Variants in FARP1 observed in about 807,000 individuals in gnomAD.
FARP1 encodes FERM, ARH/RhoGEF and pleckstrin domain protein 1, also known as FERM, ARHGEF and pleckstrin domain-containing protein 1.
FARP1 carries 52 observed loss-of-function variants against 128.8 expected under a neutral mutation model. That is an observed-to-expected ratio of 0.40 (90% confidence interval 0.32 to 0.51). The LOEUF (loss-of-function observed/expected upper bound fraction) is 0.51. Ranked by LOEUF, FARP1 falls within the 20% of genes least tolerant of loss-of-function variation. The pLI is 0.45. For missense variants in FARP1, 1,333 were observed against 1,367.9 expected (o/e 0.97, Z 0.40); for synonymous variants, 580 against 551.8 (o/e 1.05, Z -0.72).
intron 2 of FARP1, chr13:98,329,210 T>A (rs1887375956): frequency 6.6e-6 from 1 of 152,274 alleles, no homozygotes; most frequent in African/African-American, 2.4e-5. Context: ...TTGTGCATTG[T>A]TGTAGAAGTT....
At chr13:98,404,824 A>G (rs1343256061) in intron 13 of FARP1, 1 of 152,210 alleles carries the variant, frequency 6.6e-6, no homozygotes, top group African/African-American at 2.4e-5. Flanking sequence ...TTGAGAATGC[A>G]ATCAGTAGTC....
At chr13:98,290,591 A>G (rs1314129398) in intron 2 of FARP1, among the ~76,000 whole-genome samples, 6 of 152,124 alleles carry the variant, frequency 3.9e-5, no homozygotes, top group African/African-American at 1.4e-4. Context: ...GGAACAGTTC[A>G]GAGTTTATTC....
At chr13:98,249,905 C>A (rs1273829554) in intron 2 of FARP1, among the ~76,000 whole-genome samples, 1 of 152,202 alleles carries the variant, frequency 6.6e-6, no homozygotes, top group East Asian at 1.9e-4. Flanking sequence ...TGTTTGACAG[C>A]TCCTTCCCCA....
Position 98,300,879 on chromosome 13 carries a change from A to G in FARP1, c.172-42883A>G, listed in dbSNP as rs532970439. ...ACTTGGGGGCTCCATGGCCTTGGAG[A>G]GTTACCCTTTAAGGGACTCCATTAA... On this transcript the variant is annotated intron_variant, in intron 2 of 26. Transcript: ENST00000319562. Among the ~76,000 whole-genome samples the G allele has an allele frequency of 3.3e-5, 5 of 152,138 alleles. No individual in the cohort carries two copies. In the South Asian group the frequency reaches 8.3e-4, roughly 25 times the overall value.
At chr13:98,195,489 T>C (rs1233474353) in intron 1 of FARP1, among the ~76,000 whole-genome samples, 3 of 152,024 alleles carry the variant, frequency 2.0e-5, no homozygotes, top group Admixed American at 2.0e-4. Context: ...GGGCAGTGAG[T>C]TTGCATGTGC....
chr13:98,177,306 G>C, intron 1 of FARP1: 1 of 1,288,542 alleles, frequency 7.8e-7, no homozygotes, highest in Non-Finnish European at 1.1e-6. Context: ...CGCTGCACGT[G>C]GGGCGTGGGC....
rs369726236 is a variant in FARP1 at position 98,430,523 on chromosome 13, G to T, written c.1906-520G>T. Among the ~76,000 whole-genome samples, 28 of 152,296 alleles carry T rather than the reference G, an allele frequency of 1.8e-4. No homozygotes were observed. The East Asian group carries it at 2.5e-3, about 14-fold the overall frequency. On this transcript the variant is annotated intron_variant, in intron 17 of 26. Transcript: ENST00000319562. ...ACCATGACTCCAGGAGAGTCAGGGC[G>T]CTGTCTGACTCTCATCCATCTCCCC...
chr13:98,424,638 T>A lies in FARP1; in HGVS notation c.1893T>A (p.Ile631=). 6.2e-7 allele frequency: 1 copy of A among 1,612,422 alleles called. No individual in the cohort carries two copies. Among genetic ancestry groups the A allele is most frequent in the Non-Finnish European group, 8.5e-7 (1 of 1,178,434 alleles). ...TCGGCGATGTCATGCTGAAGAACATTCAGGGCATGAAGGTGAGCTGGTTGA... is the reference window on the plus strand; with the variant it reads ...TCGGCGATGTCATGCTGAAGAACATACAGGGCATGAAGGTGAGCTGGTTGA... ...QRIGDVMLKN[I]QGMKHLAAHL... Residue 631 remains isoleucine (I), a synonymous_variant, in exon 17 of 27, where the codon ATT becomes ATA. Coordinates refer to ENST00000319562, the MANE Select transcript of FARP1 (RefSeq NM_005766.4).
intron 2 of FARP1, among the ~76,000 whole-genome samples, chr13:98,301,260 T>C (rs1252384905): frequency 6.6e-6 from 1 of 152,206 alleles, no homozygotes; most frequent in African/African-American, 2.4e-5. Context: ...CTTTTTTCTT[T>C]CTCTCTGTTG....
intron 17 of FARP1, 48 bp from the exon 18 acceptor site, chr13:98,430,995 G>A (rs548516255): frequency 8.1e-7 from 1 of 1,228,114 alleles, no homozygotes; most frequent in East Asian, 2.3e-5. Context: ...GAACACAGGT[G>A]CATCCCATTC....
At chr13:98,213,170 G>A in intron 1 of FARP1, 50 bp from the exon 2 acceptor site, 1 of 1,486,556 alleles carries the variant, frequency 6.7e-7, no homozygotes, top group Non-Finnish European at 9.1e-7. Context: ...CACAGCTTGG[G>A]TGGTAGTCTC....
chr13:98,419,481 A>ACAC (rs1555294275), intron 16 of FARP1, among the ~76,000 whole-genome samples: 2 of 64,856 alleles, frequency 3.1e-5, no homozygotes, highest in Non-Finnish European at 2.9e-5. Flanking sequence ...TCCAAAAAAA[A>ACAC]ATACACACAC....
chr13:98,303,332 A>T (rs570102192), intron 2 of FARP1, among the ~76,000 whole-genome samples: 1 of 152,362 alleles, frequency 6.6e-6, no homozygotes, highest in South Asian at 2.1e-4. Flanking sequence ...GCACAGTCCT[A>T]GAAATGTACT....
intron 2 of FARP1, 66 bp downstream of exon 2, chr13:98,213,479 C>A: frequency 6.6e-7 from 1 of 1,511,288 alleles, no homozygotes; most frequent in Non-Finnish European, 9.0e-7. Context: ...TGAGGAGGTT[C>A]GGCTCATTCC....
chr13:98,373,533 GAC>G (rs58658962), intron 5 of FARP1, among the ~76,000 whole-genome samples: 24,668 of 130,732 alleles, frequency 0.19, 2,267 homozygotes, highest in East Asian at 0.32. Flanking sequence ...CAGACAGACA[GAC>G]ACACACACAC....
At chr13:98,164,897 C>T (rs764252867) in intron 1 of FARP1, among the ~76,000 whole-genome samples, 13 of 151,524 alleles carry the variant, frequency 8.6e-5, no homozygotes, top group Non-Finnish European at 7.4e-5. Flanking sequence ...CTGGCCAACA[C>T]GGTGAAATCC....
At chr13:98,243,193 G>T (rs1464322301) in intron 2 of FARP1, among the ~76,000 whole-genome samples, 1 of 152,088 alleles carries the variant, frequency 6.6e-6, no homozygotes. Context: ...AATAATATTG[G>T]GAAGATGTTG....
At chr13:98,282,134 G>C (rs1458147568) in intron 2 of FARP1, among the ~76,000 whole-genome samples, 5 of 152,022 alleles carry the variant, frequency 3.3e-5, no homozygotes, top group Non-Finnish European at 7.4e-5. Context: ...GTGAAACCCT[G>C]TCTCTAAAAA....
chr13:98,434,352 C>T (rs1470422213), intron 18 of FARP1: 3 of 152,136 alleles, frequency 2.0e-5, no homozygotes, highest in African/African-American at 7.2e-5. Flanking sequence ...TCGAGCAAGG[C>T]CTGGGATTTG....
Sources: allele counts gnomAD v4.1 joint callset (sites outside exome capture counted in the v4.1 genomes callset), GRCh38; gene constraint gnomAD v4.1.1; transcripts MANE v1.5; gene names NCBI Gene and HGNC (gene_info 2026-07-23, HGNC 2026-07-21).